The following NUP155 variants were observed in gnomAD, a reference collection of about 807,000 sequenced individuals.
The protein encoded by NUP155 is nuclear pore complex protein Nup155.
In NUP155, 71 loss-of-function variants were observed where a neutral mutation model predicts 180.4. That is an observed-to-expected ratio of 0.39 (90% CI 0.33 to 0.48). The LOEUF (loss-of-function observed/expected upper bound fraction) is 0.48, where lower values mean the gene tolerates loss of function less well. NUP155 is among the 20% of genes least tolerant of loss of function. NUP155 has a pLI of 0.91. For synonymous variants in NUP155, 582 were observed against 559.5 expected, an observed-to-expected ratio of 1.04 and a Z score of -0.57; for missense variants, 1,553 against 1,648.9, an observed-to-expected ratio of 0.94 and a Z score of 1.01.
chr5:37,329,952 G>C, intron 15 of NUP155, 86 bp downstream of exon 15: 2 of 954,718 alleles, frequency 2.1e-6, no homozygotes, highest in Middle Eastern at 4.3e-4. Context: ...CAACTGTTTG[G>C]CAAGGCTTTA....
At chr5:37,301,754 G>A (rs1742874255) in intron 29 of NUP155, among the ~76,000 whole-genome samples, 1 of 152,144 alleles carries the variant, frequency 6.6e-6, no homozygotes, top group Admixed American at 6.5e-5. Context: ...CAGACTCCTT[G>A]CTGCCCAATA....
chr5:37,301,656 A>G (rs941592111), intron 29 of NUP155, 106 bp from the exon 30 acceptor site: 4 of 740,026 alleles, frequency 5.4e-6, no homozygotes, highest in African/African-American at 1.7e-5. Context: ...AAAATAATGT[A>G]TAAATGAAGA....
intron 4 of NUP155, 131 bp from the exon 5 acceptor site, chr5:37,352,960 CTGT>C: frequency 1.6e-6 from 1 of 632,178 alleles, no homozygotes; most frequent in Non-Finnish European, 2.9e-6. Flanking sequence ...TTAGTCAATT[CTGT>C]TGTTAAAAAT....
At position 37,364,394 on chromosome 5, in the gene NUP155, GA is replaced by G; in HGVS notation, c.158-11del. ...GAAACGGTGGGATTATCTACAAAAA[GA>G]AAATGAAGTATTTATAATAATGTAC... On this transcript the variant is annotated splice_polypyrimidine_tract_variant and intron_variant, in intron 1 of 34. Coordinates refer to ENST00000231498, the MANE Select transcript of NUP155 (RefSeq NM_153485.3). 6.2e-7 allele frequency: 1 copy of G among 1,610,242 alleles called. No individual in the cohort carries two copies. The highest frequency in any genetic ancestry group is 8.5e-7 in the Non-Finnish European group (1 of 1,176,596).
rs1390500658 is a variant in NUP155, at chr5:37,341,214, T to C, written c.1122A>G (p.Pro374=). Residue 374 remains proline (P), a synonymous_variant, in exon 11 of 35, where the codon CCA becomes CCG. Transcript: ENST00000231498. ...AGVRLYFSTC[P]FRQPLARPNT... ...TAGGCCGTGCTAATGGCTGTCTGAA[T>C]GGACAAGTGCTAAAATATAACCTAA... The C allele has an allele frequency of 1.9e-6, 3 of 1,614,078 alleles. No individual in the cohort carries two copies. The highest frequency in any genetic ancestry group is 1.6e-4 in the Middle Eastern group (1 of 6,062).
Position 37,292,259 on chromosome 5 carries a change from A to G in NUP155, c.4038-221T>C, listed in dbSNP as rs375500800. On this transcript the variant is annotated intron_variant, in intron 34 of 34. Coordinates refer to ENST00000231498, the MANE Select transcript of NUP155 (RefSeq NM_153485.3). ...GAGACGGAGTCTCGCTCTGTCACTC[A>G]GGCTGCAGTGCAGTGGCGCCATCTC... Among the ~76,000 whole-genome samples the G allele has an allele frequency of 6.0e-5, 9 of 150,978 alleles. No individual in the cohort carries two copies. The East Asian group carries it at 7.8e-4, about 13-fold the overall frequency.
chr5:37,295,809 A>G (rs1487086337), intron 32 of NUP155, among the ~76,000 whole-genome samples: 1 of 147,470 alleles, frequency 6.8e-6, no homozygotes, highest in East Asian at 2.0e-4. Flanking sequence ...CCCTCCGCCC[A>G]GCAGCCGCCC....
At chr5:37,350,819 TAAAAAAAAAAA>T (rs57132136) in intron 6 of NUP155, among the ~76,000 whole-genome samples, 1 of 100,490 alleles carries the variant, frequency 1.0e-5, no homozygotes, top group South Asian at 3.1e-4. Flanking sequence ...CCATCACATT[TAAAAAAAAAAA>T]AAAAAAAAAA....
At chr5:37,307,781 G>A (rs906937824) in intron 24 of NUP155, among the ~76,000 whole-genome samples, 2 of 151,914 alleles carry the variant, frequency 1.3e-5, no homozygotes, top group Admixed American at 1.3e-4. Context: ...AATTAGCTGG[G>A]CCTGGTGGCA....
rs375874689 is a variant in NUP155, at chr5:37,371,025, A to G, written c.-48T>C. 6.3e-7 allele frequency: 1 copy of G among 1,595,306 alleles called. No homozygotes were observed. Among genetic ancestry groups the G allele is most frequent in the South Asian group, 1.1e-5 (1 of 90,730 alleles). ...GTCCAGAAAAAGTCAAAAACCAAGG[A>G]GAAACAAGAAAAGATCCAAGAAGTT... On this transcript the variant is annotated 5_prime_UTR_variant, in exon 1 of 35. Coordinates refer to ENST00000231498, the MANE Select transcript of NUP155 (RefSeq NM_153485.3).
At chr5:37,333,713 A>C in intron 12 of NUP155, 80 bp from the exon 13 acceptor site, 1 of 966,946 alleles carries the variant, frequency 1.0e-6, no homozygotes, top group Non-Finnish European at 1.6e-6. Flanking sequence ...CTTAATAAAG[A>C]AGTAAATTTA....
intron 20 of NUP155, among the ~76,000 whole-genome samples, chr5:37,322,299 A>T (rs1167727378): frequency 6.6e-6 from 1 of 152,196 alleles, no homozygotes; most frequent in Non-Finnish European, 1.5e-5. Flanking sequence ...CATATGCTTT[A>T]AAAAGATTAT....
intron 11 of NUP155, among the ~76,000 whole-genome samples, chr5:37,340,482 T>A (rs1471504720): frequency 1.3e-5 from 2 of 151,798 alleles, no homozygotes; most frequent in Non-Finnish European, 2.9e-5. Context: ...GTCACACTTA[T>A]CAATTTCAAA....
intron 9 of NUP155, among the ~76,000 whole-genome samples, chr5:37,343,315 C>T (rs1055291617): frequency 6.6e-6 from 1 of 152,088 alleles, no homozygotes; most frequent in Non-Finnish European, 1.5e-5. Flanking sequence ...ACCTCATGAT[C>T]CGCCTGCCTT....
At chr5:37,297,971 C>T (rs996974560) in intron 32 of NUP155, among the ~76,000 whole-genome samples, 4 of 150,446 alleles carry the variant, frequency 2.7e-5, no homozygotes, top group East Asian at 1.9e-4. Flanking sequence ...GGCACAGTGG[C>T]GAACGCCTTT....
rs1344441863 is a variant in NUP155 at position 37,330,087 on chromosome 5, C to T, written c.1675G>A (p.Ala559Thr). 1 of 1,613,696 alleles carries T rather than the reference C, an allele frequency of 6.2e-7. No individual in the cohort carries two copies. The highest frequency in any genetic ancestry group is 1.7e-5 in the Admixed American group (1 of 59,974). The change falls in exon 15 of 35, where the codon GCT becomes ACT. Residue 559 changes from alanine (A) to threonine (T), a missense_variant. By Grantham distance (58) the Ala-to-Thr change is moderately conservative (BLOSUM62 0). Transcript: ENST00000231498. ...ATCLILACSTAACDREVSAWA... is the reference protein window; with the variant it reads ...ATCLILACSTTACDREVSAWA... The stretch of plus-strand genomic sequence containing the variant: ...GCAGATACTTCTCTATCACAGGCAG[C>T]AGTGGAGCAAGCAAGAATAAGGCAA...
chr5:37,341,835 C>T (rs1328176374), intron 10 of NUP155, among the ~76,000 whole-genome samples: 4 of 152,224 alleles, frequency 2.6e-5, no homozygotes, highest in East Asian at 1.9e-4. Context: ...CCACCGCACC[C>T]GGCTCCCCTG....
chr5:37,315,997 T>C lies in NUP155; in HGVS notation c.2306-1669A>G, dbSNP rs375652974. On this transcript the variant is annotated intron_variant, in intron 21 of 34. Coordinates refer to ENST00000231498, the MANE Select transcript of NUP155 (RefSeq NM_153485.3). ...ATGCAGTAGCTGCTATGAAACAGTA[T>C]GGCAGTTCATCAAAAAAATTAGTAA... 9.7e-4 allele frequency among the ~76,000 whole-genome samples: 148 copies of C among 152,278 alleles called. 4 individuals carry two copies. In the South Asian group the frequency reaches 0.03, roughly 31 times the overall value.
intron 28 of NUP155, 131 bp from the exon 29 acceptor site, chr5:37,303,039 T>C: frequency 8.8e-7 from 1 of 1,139,560 alleles, no homozygotes; most frequent in Non-Finnish European, 1.3e-6. Flanking sequence ...AAAAAATCAT[T>C]AGATTTAAAA....
Sources: allele counts gnomAD v4.1 joint callset (sites outside exome capture counted in the v4.1 genomes callset), GRCh38; gene constraint gnomAD v4.1.1; transcripts MANE v1.5; gene names NCBI Gene and HGNC (gene_info 2026-07-23, HGNC 2026-07-21).